Variants in LGALS13 observed in about 807,000 individuals in gnomAD.
The protein encoded by LGALS13 is galactoside-binding soluble lectin 13.
LGALS13 carries 11 observed loss-of-function variants against 13.2 expected under a neutral mutation model. The ratio of observed to expected loss-of-function variants is 0.83; its 90% CI spans 0.52 to 1.38. The LOEUF (loss-of-function observed/expected upper bound fraction) is 1.38, where lower values mean the gene tolerates loss of function less well. Among genes scored for constraint, LGALS13 ranks in the 40% most tolerant of loss-of-function variants. The probability of loss-of-function intolerance (pLI) is 0.00; values close to 1 mark genes in which losing one functional copy is unlikely to be tolerated. For missense variants in LGALS13, 183 were observed against 174.3 expected (o/e 1.05, Z -0.28); for synonymous variants, 71 against 63.7 (o/e 1.11, Z -0.54).
intron 1 of LGALS13, chr19:39,604,035 C>A: frequency 1.1e-6 from 1 of 939,078 alleles, no homozygotes; most frequent in Non-Finnish European, 1.3e-6. Flanking sequence ...GTGCATCCCA[C>A]ACACAGGGGT....
intron 3 of LGALS13, among the ~76,000 whole-genome samples, chr19:39,605,668 A>G (rs554577117): frequency 6.6e-6 from 1 of 151,992 alleles, no homozygotes; most frequent in East Asian, 1.9e-4. Flanking sequence ...CATTATTTAA[A>G]TTTTCATTTA....
chr19:39,605,053 T>A, intron 2 of LGALS13, 125 bp from the exon 3 acceptor site: 1 of 823,184 alleles, frequency 1.2e-6, no homozygotes. Context: ...CACAGGGACC[T>A]GGCCATCAGT....
intron 1 of LGALS13, 98 bp from the exon 2 acceptor site, chr19:39,604,504 C>A: frequency 7.5e-7 from 1 of 1,328,912 alleles, no homozygotes; most frequent in Non-Finnish European, 1.1e-6. Context: ...ACAGAGTCTG[C>A]CCTTTCATCT....
At chr19:39,607,138 T>C in intron 3 of LGALS13, 85 bp from the exon 4 acceptor site, 3 of 892,742 alleles carry the variant, frequency 3.4e-6, no homozygotes, top group Non-Finnish European at 5.7e-6. Context: ...TTGGGGAATG[T>C]TATTTGTACC....
At chr19:39,604,299 C>T (rs1972646670) in intron 1 of LGALS13, among the ~76,000 whole-genome samples, 1 of 152,098 alleles carries the variant, frequency 6.6e-6, no homozygotes, top group South Asian at 2.1e-4. Flanking sequence ...GTAGAAATTC[C>T]TGATAATCCT....
chr19:39,606,125 G>A (rs1018828530), intron 3 of LGALS13, among the ~76,000 whole-genome samples: 1 of 152,268 alleles, frequency 6.6e-6, no homozygotes, highest in South Asian at 2.1e-4. Flanking sequence ...GGGATTACAG[G>A]CTTAAGCCAC....
intron 1 of LGALS13, among the ~76,000 whole-genome samples, chr19:39,602,890 G>C (rs1195407541): frequency 1.3e-5 from 2 of 152,156 alleles, no homozygotes; most frequent in African/African-American, 2.4e-5. Context: ...TGTGTGAATG[G>C]AGAGTAAAGG....
At chr19:39,603,730 TC>T (rs1420293443) in intron 1 of LGALS13, among the ~76,000 whole-genome samples, 1 of 152,062 alleles carries the variant, frequency 6.6e-6, no homozygotes, top group Non-Finnish European at 1.5e-5. Flanking sequence ...GTACCTTTCT[TC>T]CCAGCTATTC....
At chr19:39,606,296 C>A (rs147124205) in intron 3 of LGALS13, among the ~76,000 whole-genome samples, 99 of 152,328 alleles carry the variant, frequency 6.5e-4, no homozygotes, top group Non-Finnish European at 4.9e-4. Flanking sequence ...AAGACATTAT[C>A]AATCTGTCGT....
At chr19:39,603,977 T>C (rs1173064979) in intron 1 of LGALS13, 1 of 985,308 alleles carries the variant, frequency 1.0e-6, no homozygotes, top group South Asian at 4.7e-5. Flanking sequence ...CAGTAGTGTG[T>C]GCCCCTTCTT....
rs895997579 is a variant in LGALS13, at chr19:39,604,620, G to A, written c.34G>A (p.Val12Met). 1.2e-6 allele frequency: 2 copies of A among 1,614,082 alleles called. No individual in the cohort carries two copies. Among genetic ancestry groups the A allele is most frequent in the Non-Finnish European group, 1.7e-6 (2 of 1,180,046 alleles). The change falls in exon 2 of 4, where the codon GTG becomes ATG. Residue 12 changes from valine (V) to methionine (M), a missense_variant. Coordinates refer to ENST00000221797, the MANE Select transcript of LGALS13 (RefSeq NM_013268.3). ...SSLPVPYKLP[V>M]SLSVGSCVII... Reference sequence around the variant, plus strand: ...CTGGCAGGTGCCATACAAACTGCCTGTGTCTTTGTCTGTTGGTTCCTGCGT... The same window carrying A: ...CTGGCAGGTGCCATACAAACTGCCTATGTCTTTGTCTGTTGGTTCCTGCGT...
At chr19:39,604,813 A>C in intron 2 of LGALS13, 135 bp downstream of exon 2, 6 of 1,034,118 alleles carry the variant, frequency 5.8e-6, no homozygotes, top group Middle Eastern at 4.1e-4. Flanking sequence ...GGTCTTGGAG[A>C]CCCTCCAGCA....
intron 1 of LGALS13, among the ~76,000 whole-genome samples, chr19:39,603,386 G>A (rs997352857): frequency 2.6e-5 from 4 of 152,004 alleles, no homozygotes; most frequent in Non-Finnish European, 5.9e-5. Flanking sequence ...TGTGTGACAG[G>A]AGGGTGTGCA....
intron 1 of LGALS13, chr19:39,603,844 C>G (rs1356899067): frequency 1.4e-6 from 1 of 734,984 alleles, no homozygotes; most frequent in South Asian, 6.1e-5. Flanking sequence ...AGAGCAAGAA[C>G]CTATCTCAAA....
At chr19:39,606,367 A>G (rs891142482) in intron 3 of LGALS13, among the ~76,000 whole-genome samples, 1 of 152,230 alleles carries the variant, frequency 6.6e-6, no homozygotes, top group Non-Finnish European at 1.5e-5. Context: ...AAAGTTGTGG[A>G]ACTTGGCCCT....
intron 3 of LGALS13, among the ~76,000 whole-genome samples, chr19:39,606,191 T>C (rs1972685858): frequency 6.6e-6 from 1 of 152,240 alleles, no homozygotes; most frequent in African/African-American, 2.4e-5. Flanking sequence ...GATATGTCTA[T>C]GATTTCATTT....
intron 3 of LGALS13, among the ~76,000 whole-genome samples, chr19:39,606,541 C>T (rs911555097): frequency 2.0e-5 from 3 of 152,068 alleles, no homozygotes; most frequent in Non-Finnish European, 4.4e-5. Flanking sequence ...ATTTTAAATT[C>T]GAAAAATTAA....
chr19:39,606,417 C>A (rs1424277825), intron 3 of LGALS13, among the ~76,000 whole-genome samples: 1 of 152,172 alleles, frequency 6.6e-6, no homozygotes, highest in Non-Finnish European at 1.5e-5. Context: ...TTTGCTCTCA[C>A]AAATGATGTC....
At chr19:39,604,519 C>T (rs1972650553) in intron 1 of LGALS13, 83 bp from the exon 2 acceptor site, 2 of 1,497,468 alleles carry the variant, frequency 1.3e-6, no homozygotes, top group South Asian at 1.1e-5. Context: ...TCATCTCCAA[C>T]CTCCTGCACC....
Sources: allele counts gnomAD v4.1 joint callset (sites outside exome capture counted in the v4.1 genomes callset), GRCh38; gene constraint gnomAD v4.1.1; transcripts MANE v1.5; gene names NCBI Gene and HGNC (gene_info 2026-07-23, HGNC 2026-07-21).